ZFHX3: variants seen among roughly 807,000 people sequenced by gnomAD.
ZFHX3 encodes the protein zinc finger homeobox protein 3.
Under a neutral mutation model 279.1 loss-of-function variants are expected in ZFHX3, and 42 were observed. The observed-to-expected ratio is 0.15, with a 90% CI of 0.12 to 0.19. The LOEUF is 0.19. Among genes scored for constraint, ZFHX3 ranks in the 10% least tolerant of loss-of-function variants. The pLI, the probability that ZFHX3 is intolerant of heterozygous loss-of-function variation, is 1.00. For missense variants in ZFHX3, 4,981 were observed against 4,754.0 expected, an observed-to-expected ratio of 1.05 and a Z score of -1.40; for synonymous variants, 2,293 against 1,957.8, an observed-to-expected ratio of 1.17 and a Z score of -4.52.
chr16:73,231,196 C>T (rs1291799256), intron 5 of ZFHX3, among the ~76,000 whole-genome samples: 1 of 152,238 alleles, frequency 6.6e-6, no homozygotes, highest in African/African-American at 2.4e-5. Flanking sequence ...CCCAGCATCA[C>T]TGTGGGATAT....
chr16:73,337,895 G>GGGA (rs1555510894), intron 3 of ZFHX3, among the ~76,000 whole-genome samples: 1 of 144,932 alleles, frequency 6.9e-6, no homozygotes, highest in African/African-American at 2.5e-5. Flanking sequence ...CCCTTGGCGG[G>GGGA]GGGGGGGGTC....
At position 73,241,705 on chromosome 16, in the gene ZFHX3, G is replaced by T. The variant is rs1222564258; in HGVS notation, c.-1104+15342C>A. ...CTTGGGAGGCTGAGGCAGGAGAATC[G>T]CTTGAACCCAGGAGGCGGAGGTTGC... is the stretch of plus-strand genomic sequence containing the variant. On this transcript the variant is annotated intron_variant, in intron 5 of 17. Coordinates refer to the ZFHX3 transcript ENST00000641206. Among the ~76,000 whole-genome samples, 5 of 146,970 alleles carry T rather than the reference G, an allele frequency of 3.4e-5. No homozygotes were observed. The East Asian group carries it at 1.1e-3, about 32-fold the overall frequency.
intron 3 of ZFHX3, among the ~76,000 whole-genome samples, chr16:73,342,392 G>T (rs2016049440): frequency 6.6e-6 from 1 of 152,146 alleles, no homozygotes; most frequent in Admixed American, 6.6e-5. Flanking sequence ...CTGAAGCATG[G>T]TTCACAATGG....
At chr16:73,150,209 C>A (rs945863456) in intron 5 of ZFHX3, among the ~76,000 whole-genome samples, 5 of 152,146 alleles carry the variant, frequency 3.3e-5, no homozygotes, top group African/African-American at 1.2e-4. Context: ...TCAGGTTGTC[C>A]AGACCAAGGT....
At chr16:73,717,875 A>T (rs1019498542) in intron 1 of ZFHX3, among the ~76,000 whole-genome samples, 3 of 152,198 alleles carry the variant, frequency 2.0e-5, no homozygotes, top group African/African-American at 7.2e-5. Context: ...CACACTTTGC[A>T]TGCAGCCCTC....
intron 1 of ZFHX3, among the ~76,000 whole-genome samples, chr16:73,692,825 A>G (rs1008795954): frequency 5.3e-5 from 8 of 152,376 alleles, no homozygotes; most frequent in Non-Finnish European, 4.4e-5. Context: ...CTGGCATGAA[A>G]GAAACAAAGT....
chr16:73,861,584 T>C (rs942189790), intron 1 of ZFHX3, among the ~76,000 whole-genome samples: 1 of 152,196 alleles, frequency 6.6e-6, no homozygotes, highest in African/African-American at 2.4e-5. Flanking sequence ...GCACGTTGTT[T>C]ATCTTCTTCC....
At chr16:73,495,295 T>C (rs1401942269) in intron 2 of ZFHX3, among the ~76,000 whole-genome samples, 3 of 150,392 alleles carry the variant, frequency 2.0e-5, no homozygotes, top group Admixed American at 7.0e-5. Flanking sequence ...CGGAGGTGAA[T>C]TCCATTTTAA....
At chr16:73,672,040 A>AG (rs1371353620) in intron 2 of ZFHX3, among the ~76,000 whole-genome samples, 1 of 148,300 alleles carries the variant, frequency 6.7e-6, no homozygotes, top group Non-Finnish European at 1.5e-5. Context: ...GACAGATCTG[A>AG]GGGGAAAAAA....
At chr16:73,255,018 T>A (rs1010123153) in intron 5 of ZFHX3, among the ~76,000 whole-genome samples, 1 of 152,138 alleles carries the variant, frequency 6.6e-6, no homozygotes, top group Non-Finnish European at 1.5e-5. Flanking sequence ...TGCACTGAGA[T>A]ACGAACATCA....
At chr16:73,757,630 G>C (rs2053823807) in intron 1 of ZFHX3, among the ~76,000 whole-genome samples, 1 of 152,164 alleles carries the variant, frequency 6.6e-6, no homozygotes, top group Non-Finnish European at 1.5e-5. Context: ...TCAGAGTTTA[G>C]TGGAGGAAAC....
At chr16:73,274,964 A>T (rs1255111299) in intron 4 of ZFHX3, among the ~76,000 whole-genome samples, 1 of 152,238 alleles carries the variant, frequency 6.6e-6, no homozygotes, top group Non-Finnish European at 1.5e-5. Flanking sequence ...GGCAGTAAGC[A>T]AGCAAGACTT....
intron 3 of ZFHX3, among the ~76,000 whole-genome samples, chr16:73,423,279 G>A (rs958854903): frequency 6.6e-6 from 1 of 152,142 alleles, no homozygotes; most frequent in African/African-American, 2.4e-5. Flanking sequence ...GCATTGGACA[G>A]ACACAGTTTT....
intron 2 of ZFHX3, among the ~76,000 whole-genome samples, chr16:73,479,081 C>T (rs1373444566): frequency 3.9e-5 from 6 of 152,030 alleles, no homozygotes; most frequent in Non-Finnish European, 7.4e-5. Flanking sequence ...ACCAGACTCA[C>T]CCCTCCCTTG....
At chr16:73,293,115 C>G (rs951084690) in intron 4 of ZFHX3, among the ~76,000 whole-genome samples, 24 of 152,166 alleles carry the variant, frequency 1.6e-4, no homozygotes, top group African/African-American at 5.6e-4. Context: ...TTAGACCAAC[C>G]TACCAGAAGA....
intron 3 of ZFHX3, among the ~76,000 whole-genome samples, chr16:72,907,363 C>T (rs933943974): frequency 1.3e-5 from 2 of 152,088 alleles, no homozygotes; most frequent in Non-Finnish European, 2.9e-5. Context: ...CTTCTTTCCT[C>T]ACGCTCTAAT....
chr16:73,560,425 A>G (rs954647011), intron 2 of ZFHX3, among the ~76,000 whole-genome samples: 2 of 152,146 alleles, frequency 1.3e-5, no homozygotes, highest in African/African-American at 4.8e-5. Context: ...TGACTTTTAA[A>G]TGCTCTTTTG....
At chr16:72,976,487 T>C (rs1597043737) in intron 1 of ZFHX3, among the ~76,000 whole-genome samples, 1 of 152,308 alleles carries the variant, frequency 6.6e-6, no homozygotes, top group East Asian at 1.9e-4. Flanking sequence ...TGCCACAATA[T>C]TTATTGAGTG....
intron 1 of ZFHX3, among the ~76,000 whole-genome samples, chr16:73,873,238 A>G (rs192195766): frequency 0.05 from 1,607 of 32,004 alleles, 64 homozygotes; most frequent in Middle Eastern, 0.19. Flanking sequence ...GGTGGGTGGT[A>G]GTGGGTGGTT....
Sources: gnomAD v4.1 joint callset for allele counts (sites outside exome capture counted in the v4.1 genomes callset) on GRCh38, gnomAD v4.1.1 for gene constraint, MANE v1.5 for transcripts, NCBI Gene and HGNC (gene_info 2026-07-23, HGNC 2026-07-21) for gene names.